TMEM132C: variants seen among roughly 807,000 people sequenced by gnomAD.
The protein encoded by TMEM132C is protein phosphatase 1, regulatory subunit 152.
A neutral mutation model predicts 61.4 loss-of-function variants in TMEM132C; 29 were observed. The ratio of observed to expected loss-of-function variants is 0.47; its 90% CI spans 0.35 to 0.64. TMEM132C has a LOEUF of 0.64. Among genes scored for constraint, TMEM132C ranks in the 30% least tolerant of loss-of-function variants. TMEM132C has a pLI of 0.00. For synonymous variants in TMEM132C, 656 were observed against 633.1 expected (o/e 1.04, Z -0.54); for missense variants, 1,408 against 1,476.9 (o/e 0.95, Z 0.76).
chr12:128,388,265 T>TC (rs1316903494), intron 1 of TMEM132C, among the ~76,000 whole-genome samples: 1 of 152,186 alleles, frequency 6.6e-6, no homozygotes, highest in African/African-American at 2.4e-5. Context: ...CCTCTGGTGA[T>TC]CCGAAGACCC....
At chr12:128,382,464 T>G (rs969215823) in intron 1 of TMEM132C, among the ~76,000 whole-genome samples, 4 of 152,166 alleles carry the variant, frequency 2.6e-5, no homozygotes, top group Admixed American at 2.6e-4. Context: ...AGAACTGAAT[T>G]TTTAATTTTA....
chr12:128,621,458 G>A (rs976945654), intron 4 of TMEM132C, among the ~76,000 whole-genome samples: 2 of 152,156 alleles, frequency 1.3e-5, no homozygotes, highest in Non-Finnish European at 2.9e-5. Context: ...GCTTCCGATA[G>A]CACCCCGTAG....
At chr12:128,648,190 G>A (rs1376714075) in intron 4 of TMEM132C, among the ~76,000 whole-genome samples, 3 of 151,570 alleles carry the variant, frequency 2.0e-5, no homozygotes, top group Admixed American at 1.3e-4. Context: ...TGTGTTTACT[G>A]GAGTCCATCA....
intron 2 of TMEM132C, among the ~76,000 whole-genome samples, chr12:128,475,093 T>G (rs1462976495): frequency 1.3e-5 from 2 of 151,974 alleles, no homozygotes; most frequent in Non-Finnish European, 2.9e-5. Flanking sequence ...GGGCTGTGGG[T>G]GGGGGCACAG....
At chr12:128,599,677 A>C (rs934862300) in intron 3 of TMEM132C, among the ~76,000 whole-genome samples, 17 of 152,342 alleles carry the variant, frequency 1.1e-4, no homozygotes, top group Admixed American at 7.2e-4. Flanking sequence ...GTTTTTTAAA[A>C]AGCAAGAGTG....
intron 5 of TMEM132C, among the ~76,000 whole-genome samples, chr12:128,690,150 G>T (rs1453355022): frequency 6.6e-6 from 1 of 152,210 alleles, no homozygotes; most frequent in African/African-American, 2.4e-5. Context: ...CTTACAGGCA[G>T]ACACTGATTT....
intron 1 of TMEM132C, among the ~76,000 whole-genome samples, chr12:128,306,346 T>C (rs916506100): frequency 2.0e-5 from 3 of 151,606 alleles, no homozygotes; most frequent in Non-Finnish European, 4.4e-5. Context: ...GGACTACAGG[T>C]GCCCGCCACC....
chr12:128,641,919 C>T (rs1271202005), intron 4 of TMEM132C, among the ~76,000 whole-genome samples: 5 of 151,830 alleles, frequency 3.3e-5, no homozygotes, highest in African/African-American at 4.8e-5. Context: ...CTCTGCCTCC[C>T]CAGTAGCTGG....
chr12:128,602,032 C>A (rs1214264901), intron 3 of TMEM132C, among the ~76,000 whole-genome samples: 2 of 151,930 alleles, frequency 1.3e-5, no homozygotes, highest in East Asian at 3.9e-4. Context: ...TGTACCGAGA[C>A]CCTCTCTCTA....
chr12:128,618,506 T>C (rs926513114), intron 4 of TMEM132C, among the ~76,000 whole-genome samples: 3 of 152,234 alleles, frequency 2.0e-5, no homozygotes, highest in Non-Finnish European at 4.4e-5. Context: ...TGCAGTGTTA[T>C]GGTTTGGCTG....
rs531269995 is a variant in TMEM132C, at chr12:128,434,779, A to T, written c.974+19159A>T. Among the ~76,000 whole-genome samples, 253 of 150,386 alleles carry T rather than the reference A, an allele frequency of 1.7e-3. 4 individuals carry two copies. Among genetic ancestry groups the T allele is most frequent in the African/African-American group, 4.7e-3 (192 of 40,898 alleles). ...CACTATGCCCGGCTAATTTTTTTTT[A>T]AATTTTTTATTTTTGGTATTTTAGT... On this transcript the variant is annotated intron_variant, in intron 2 of 8. Coordinates refer to ENST00000435159, the MANE Select transcript of TMEM132C (RefSeq NM_001136103.3).
chr12:128,666,349 A>G (rs904734299), intron 4 of TMEM132C, among the ~76,000 whole-genome samples: 1 of 152,180 alleles, frequency 6.6e-6, no homozygotes, highest in Non-Finnish European at 1.5e-5. Flanking sequence ...AGGCACACAC[A>G]CATTTTTTTC....
At chr12:128,629,159 C>A (rs937608811) in intron 4 of TMEM132C, among the ~76,000 whole-genome samples, 1 of 152,098 alleles carries the variant, frequency 6.6e-6, no homozygotes, top group Non-Finnish European at 1.5e-5. Flanking sequence ...ATTTTTCAAA[C>A]GAGAATGGAG....
chr12:128,536,627 C>T (rs1488139974), intron 2 of TMEM132C, among the ~76,000 whole-genome samples: 1 of 152,148 alleles, frequency 6.6e-6, no homozygotes, highest in Non-Finnish European at 1.5e-5. Context: ...TTTATCACCA[C>T]CTTCCACCCG....
intron 1 of TMEM132C, among the ~76,000 whole-genome samples, chr12:128,360,240 A>T (rs1403035773): frequency 7.1e-5 from 7 of 99,224 alleles, no homozygotes. Context: ...AGATTGATAA[A>T]GGACGACACA....
intron 1 of TMEM132C, among the ~76,000 whole-genome samples, chr12:128,374,312 G>A (rs1874119626): frequency 6.6e-6 from 1 of 152,204 alleles, no homozygotes; most frequent in South Asian, 2.1e-4. Context: ...GATTACTGGT[G>A]TGAGGGAAGA....
At chr12:128,465,599 T>A (rs1870705394) in intron 2 of TMEM132C, among the ~76,000 whole-genome samples, 1 of 152,146 alleles carries the variant, frequency 6.6e-6, no homozygotes, top group Non-Finnish European at 1.5e-5. Flanking sequence ...ACCAGGACAA[T>A]CCATTCTCCT....
intron 2 of TMEM132C, among the ~76,000 whole-genome samples, chr12:128,427,010 A>T (rs148162036): frequency 8.8e-4 from 134 of 152,274 alleles, no homozygotes; most frequent in African/African-American, 3.1e-3. Context: ...ATTTGTGTGG[A>T]GGAGAGGCAG....
chr12:128,597,175 G>A (rs774251155), intron 3 of TMEM132C, among the ~76,000 whole-genome samples: 17 of 152,170 alleles, frequency 1.1e-4, no homozygotes, highest in South Asian at 6.2e-4. Flanking sequence ...TAGCCATGCT[G>A]TCCCCAAAGA....
Sources: allele counts gnomAD v4.1 joint callset (sites outside exome capture counted in the v4.1 genomes callset), GRCh38; gene constraint gnomAD v4.1.1; transcripts MANE v1.5; gene names NCBI Gene and HGNC (gene_info 2026-07-23, HGNC 2026-07-21).